IPO5: variants seen among roughly 807,000 people sequenced by gnomAD.
IPO5 encodes the protein importin-5.
A neutral mutation model predicts 143.3 loss-of-function variants in IPO5; 18 were observed. The ratio of observed to expected loss-of-function variants is 0.13; its 90% CI spans 0.09 to 0.19. IPO5 has a LOEUF of 0.19. Among genes scored for constraint, IPO5 ranks in the 10% least tolerant of loss-of-function variants. The pLI is 1.00. For synonymous variants in IPO5, 477 were observed against 465.7 expected (o/e 1.02, Z -0.31); for missense variants, 1,013 against 1,336.9 (o/e 0.76, Z 3.78).
At chr13:97,976,652 A>C (rs1594044175) in intron 3 of IPO5, 41 bp from the exon 4 acceptor site, 1 of 1,010,644 alleles carries the variant, frequency 9.9e-7, no homozygotes, top group South Asian at 1.7e-5. Context: ...AGCGCGCCTC[A>C]CGGCTCCTGT....
At chr13:97,992,003 G>A (rs1887846844) in intron 9 of IPO5, among the ~76,000 whole-genome samples, 1 of 152,154 alleles carries the variant, frequency 6.6e-6, no homozygotes, top group Middle Eastern at 3.2e-3. Context: ...GAACCACTGA[G>A]TTAGAGAGGA....
At chr13:97,969,442 A>G (rs1885644290) in intron 2 of IPO5, among the ~76,000 whole-genome samples, 2 of 152,042 alleles carry the variant, frequency 1.3e-5, no homozygotes, top group South Asian at 4.1e-4. Flanking sequence ...TTGGCCTCCC[A>G]AAGTGCTGGG....
rs888024660 is a variant in IPO5 at position 97,954,127 on chromosome 13, G to A, written c.-184G>A. 5.0e-5 allele frequency: 13 copies of A among 258,550 alleles called. No homozygotes were observed. The highest frequency in any genetic ancestry group is 2.3e-4 in the East Asian group (2 of 8,762). The allele number at this position is 258,550 out of a possible 1,614,324, so 16.0% of individuals were successfully genotyped here. A position where few individuals can be genotyped will look rare whatever the true frequency, so the allele number is the denominator to read the frequency against. Reference sequence around the variant, plus strand: ...GTTTTTATTTCACTTAGGTGGTTCCGGGGAGAAGCCTTTCCAGGACCCATG... The same window carrying A: ...GTTTTTATTTCACTTAGGTGGTTCCAGGGAGAAGCCTTTCCAGGACCCATG... On this transcript the variant is annotated 5_prime_UTR_variant, in exon 2 of 29. Transcript: ENST00000651721.
chr13:97,993,024 G>A lies in IPO5; in HGVS notation c.792+10G>A. The A allele has an allele frequency of 6.2e-7, 1 of 1,612,314 alleles. No homozygotes were observed. The highest frequency in any genetic ancestry group is 1.1e-5 in the South Asian group (1 of 90,904). On this transcript the variant is annotated intron_variant, in intron 10 of 28. Coordinates refer to ENST00000651721, the MANE Select transcript of IPO5 (RefSeq NM_002271.6). ...ACAGCTAAGTCTAAAGGTAAATTAA[G>A]TACGTTAGTAAACGTTCTGTTTGTT... is the stretch of plus-strand genomic sequence containing the variant.
In IPO5 at chr13:97,999,924, G is replaced by A. The variant is rs149159228; in HGVS notation, c.1002-615G>A. Among the ~76,000 whole-genome samples, 67 of 152,286 alleles carry A rather than the reference G, an allele frequency of 4.4e-4. 1 individual carries two copies. The East Asian group carries it at 0.013, about 29-fold the overall frequency. On this transcript the variant is annotated intron_variant, in intron 12 of 28. Transcript: ENST00000651721. ...CTTTCAATACTGCTTTTACTGGAGT[G>A]TTGAAAGTGTCAGAAGCTATTTCTG...
chr13:97,989,636 C>T (rs1408641417), intron 7 of IPO5, among the ~76,000 whole-genome samples: 1 of 152,294 alleles, frequency 6.6e-6, no homozygotes, highest in Non-Finnish European at 1.5e-5. Context: ...AGTGATTATT[C>T]TTTGCCCCAC....
Position 98,015,757 on chromosome 13 carries a change from G to T in IPO5, c.2469G>T (p.Gln823His). The change falls in exon 24 of 29, where the codon CAG (glutamine) becomes CAT (histidine). Residue 823 changes from glutamine (Q) to histidine (H), a missense_variant. Around this residue, in one of 2 missense-constraint regions of IPO5, gnomAD observed 685 missense variants for 994.9 expected, o/e 0.69. Transcript: ENST00000651721. ...VKRQDEDYDE[Q>H]VEESLQDEDD... ...GACAAGATGAAGACTATGATGAACA[G>T]GTCGAAGAGTCACTACAAGATGAGG... is the stretch of plus-strand genomic sequence containing the variant. 1 of 1,610,434 alleles carries T rather than the reference G, an allele frequency of 6.2e-7. No individual in the cohort carries two copies. The highest frequency in any genetic ancestry group is 8.5e-7 in the Non-Finnish European group (1 of 1,178,162).
intron 3 of IPO5, among the ~76,000 whole-genome samples, chr13:97,976,222 C>A (rs1886288129): frequency 6.6e-6 from 1 of 151,538 alleles, no homozygotes; most frequent in Non-Finnish European, 1.5e-5. Flanking sequence ...GCGGCCGGGC[C>A]CGCCGGCCGG....
At chr13:98,005,344 G>A (rs1889140310) in intron 16 of IPO5, among the ~76,000 whole-genome samples, 1 of 150,704 alleles carries the variant, frequency 6.6e-6, no homozygotes, top group Non-Finnish European at 1.5e-5. Flanking sequence ...TTACAGGGGT[G>A]TGCCACCACA....
At chr13:98,004,181 T>C (rs1889026214) in intron 16 of IPO5, among the ~76,000 whole-genome samples, 1 of 152,212 alleles carries the variant, frequency 6.6e-6, no homozygotes, top group Non-Finnish European at 1.5e-5. Context: ...CAAATTGCTA[T>C]AAAAGTTTCT....
intron 12 of IPO5, among the ~76,000 whole-genome samples, chr13:97,999,381 G>A (rs12866170): frequency 0.049 from 7,480 of 152,168 alleles, 454 homozygotes; most frequent in East Asian, 0.33. Flanking sequence ...GGGCTAGGTC[G>A]AATTTCCTTT....
intron 4 of IPO5, chr13:97,977,093 C>A: frequency 6.1e-6 from 1 of 162,992 alleles, no homozygotes; most frequent in Non-Finnish European, 1.4e-5. Context: ...GCCCCAACTT[C>A]GCTGGCCACC....
At chr13:98,010,808 T>G (rs1252654216) in intron 20 of IPO5, among the ~76,000 whole-genome samples, 3 of 141,648 alleles carry the variant, frequency 2.1e-5, no homozygotes, top group Admixed American at 7.3e-5. Context: ...TGAGGTGGAG[T>G]CTCTCTTTTT....
In IPO5 at chr13:97,969,153, G is replaced by GTATA. The variant is rs1210544640; in HGVS notation, c.-112-550_-112-547dup. Among the ~76,000 whole-genome samples the GTATA allele has an allele frequency of 8.0e-3, 508 of 63,392 alleles. 11 individuals carry two copies. The highest frequency in any genetic ancestry group is 0.023 in the East Asian group (49 of 2,138). The allele number at this position is 63,392 out of a possible 152,430, so 41.6% of individuals were successfully genotyped here. A position where few individuals can be genotyped will look rare whatever the true frequency, so the allele number is the denominator to read the frequency against. ...CTTAGAAATGAAATCTTTCTGCTAA[G>GTATA]TATATATATATATATATATATATTT... On this transcript the variant is annotated intron_variant, in intron 2 of 28. Transcript: ENST00000651721.
chr13:97,964,110 T>C (rs1326949701), intron 2 of IPO5, among the ~76,000 whole-genome samples: 1 of 152,198 alleles, frequency 6.6e-6, no homozygotes, highest in African/African-American at 2.4e-5. Context: ...GTCAGATGGA[T>C]AGATTGCAAA....
At position 97,978,653 on chromosome 13, in the gene IPO5, A is replaced by G. The variant is rs7993198; in HGVS notation, c.90+1867A>G. Among the ~76,000 whole-genome samples the G allele has an allele frequency of 9.8e-3, 1,485 of 152,300 alleles. 26 individuals carry two copies. The highest frequency in any genetic ancestry group is 0.034 in the African/African-American group (1,410 of 41,550). On this transcript the variant is annotated intron_variant, in intron 4 of 28. Coordinates refer to ENST00000651721, the MANE Select transcript of IPO5 (RefSeq NM_002271.6). ...ACTTTTTAATCCCAGCATGAAAATA[A>G]TAGAAATTTTCATGTGTTACAAAGC...
At position 97,997,608 on chromosome 13, in the gene IPO5, G is replaced by T. The variant is rs762126244; in HGVS notation, c.991G>T (p.Asp331Tyr). The change falls in exon 12 of 29, where the codon GAT becomes TAT. Residue 331 changes from aspartate (D) to tyrosine (Y), a missense_variant. Coordinates refer to ENST00000651721, the MANE Select transcript of IPO5 (RefSeq NM_002271.6). ...AAATGCAGATGAACTAGAAGATGAT[G>T]ATTTTGACAGGTAATCAAACATTGT... ...WANADELEDDDFDSNAVAGES... is the reference protein window; with the variant it reads ...WANADELEDDYFDSNAVAGES... The T allele has an allele frequency of 3.7e-6, 6 of 1,603,462 alleles. No individual in the cohort carries two copies. The highest frequency in any genetic ancestry group is 5.1e-6 in the Non-Finnish European group (6 of 1,170,944).
intron 2 of IPO5, among the ~76,000 whole-genome samples, chr13:97,954,641 C>T (rs1275658522): frequency 6.6e-6 from 1 of 152,170 alleles, no homozygotes. Flanking sequence ...AGATTACTTA[C>T]TTAAGGAACC....
chr13:97,961,998 G>A (rs61190965), intron 2 of IPO5, among the ~76,000 whole-genome samples: 2,288 of 152,096 alleles, frequency 0.015, 55 homozygotes, highest in African/African-American at 0.052. Flanking sequence ...GCGTGGGGGC[G>A]CACACCTGTA....
Sources: gnomAD v4.1 joint callset for allele counts (sites outside exome capture counted in the v4.1 genomes callset) on GRCh38, gnomAD v4.1.1 for gene constraint, gnomAD v4.1.1 regional missense constraint, MANE v1.5 for transcripts, NCBI Gene and HGNC (gene_info 2026-07-23, HGNC 2026-07-21) for gene names.